Variants in CNTLN observed in about 807,000 individuals in gnomAD.
CNTLN encodes centlein, also known as centlein, centrosomal protein.
In CNTLN, 212 loss-of-function variants were observed where a neutral mutation model predicts 180.0. That is an observed-to-expected ratio of 1.18 (90% CI 1.05 to 1.32). The LOEUF (loss-of-function observed/expected upper bound fraction) is 1.32, where lower values mean the gene tolerates loss of function less well. Ranked by LOEUF, CNTLN falls within the 40% of genes most tolerant of loss-of-function variation. CNTLN has a pLI of 0.00. For missense variants in CNTLN, 2,095 were observed against 1,610.9 expected, an observed-to-expected ratio of 1.30 and a Z score of -5.14; for synonymous variants, 722 against 563.1, an observed-to-expected ratio of 1.28 and a Z score of -3.99.
intron 2 of CNTLN, chr9:17,168,046 A>G (rs1820197409): frequency 6.6e-6 from 1 of 152,204 alleles, no homozygotes. Flanking sequence ...CACTTCTGGT[A>G]TGATGAGAGA....
chr9:17,386,017 A>T (rs746672640), intron 13 of CNTLN, among the ~76,000 whole-genome samples: 7 of 152,192 alleles, frequency 4.6e-5, no homozygotes, highest in Admixed American at 2.0e-4. Context: ...GAAATTGCCC[A>T]TACAATAAGT....
intron 12 of CNTLN, among the ~76,000 whole-genome samples, chr9:17,345,127 T>TGG (rs1821779341): frequency 6.6e-6 from 1 of 152,182 alleles, no homozygotes; most frequent in Non-Finnish European, 1.5e-5. Context: ...GAAGAACATT[T>TGG]GGGTTTTTTC....
chr9:17,363,088 G>T (rs1048721866), intron 12 of CNTLN, among the ~76,000 whole-genome samples: 2 of 152,196 alleles, frequency 1.3e-5, no homozygotes, highest in Admixed American at 1.3e-4. Context: ...TGGCTGCATA[G>T]TATTCCATGG....
At chr9:17,527,658 C>G in the CNTLN span, among the ~76,000 whole-genome samples, 2 of 152,084 alleles carry the variant, frequency 1.3e-5, no homozygotes, top group Admixed American at 6.5e-5. Context: ...TCAGCTGAGA[C>G]AGCCTGGAGG....
At chr9:17,254,614 T>C (rs1188143958) in intron 5 of CNTLN, among the ~76,000 whole-genome samples, 2 of 151,624 alleles carry the variant, frequency 1.3e-5, no homozygotes, top group African/African-American at 2.4e-5. Flanking sequence ...TGAGCACATA[T>C]AGAAATGATT....
intron 9 of CNTLN, among the ~76,000 whole-genome samples, chr9:17,331,796 A>T (rs1472114892): frequency 6.6e-6 from 1 of 152,024 alleles, no homozygotes; most frequent in Non-Finnish European, 1.5e-5. Flanking sequence ...CAAGCACTGA[A>T]CTTTATTTAA....
At chr9:17,327,017 T>C (rs531259654) in intron 8 of CNTLN, among the ~76,000 whole-genome samples, 1 of 152,264 alleles carries the variant, frequency 6.6e-6, no homozygotes, top group South Asian at 2.1e-4. Flanking sequence ...GAATATTGGT[T>C]CAGTAATTGT....
chr9:17,211,721 T>C (rs920733299), intron 2 of CNTLN, among the ~76,000 whole-genome samples: 2 of 146,198 alleles, frequency 1.4e-5, no homozygotes, highest in African/African-American at 4.9e-5. Context: ...TATGTCCTCT[T>C]TTATTTTTTT....
chr9:17,303,740 A>T (rs1000508760), intron 7 of CNTLN, among the ~76,000 whole-genome samples: 1 of 152,026 alleles, frequency 6.6e-6, no homozygotes, highest in African/African-American at 2.4e-5. Context: ...ATATTTTTAG[A>T]TTGTTTTCTA....
At chr9:17,161,347 T>G (rs1489537124) in intron 2 of CNTLN, among the ~76,000 whole-genome samples, 1 of 152,168 alleles carries the variant, frequency 6.6e-6, no homozygotes, top group Non-Finnish European at 1.5e-5. Context: ...GCTCTACAAA[T>G]CTAATTTCCT....
chr9:17,346,891 C>G (rs190852076), intron 12 of CNTLN, among the ~76,000 whole-genome samples: 1 of 152,136 alleles, frequency 6.6e-6, no homozygotes, highest in Non-Finnish European at 1.5e-5. Flanking sequence ...CACTGAGGGT[C>G]TCTTCAATTT....
intron 12 of CNTLN, among the ~76,000 whole-genome samples, chr9:17,345,036 T>C (rs1318197571): frequency 6.6e-6 from 1 of 152,198 alleles, no homozygotes; most frequent in Non-Finnish European, 1.5e-5. Context: ...TGAGATTCTT[T>C]TGGGTTGGTT....
chr9:17,284,158 A>G (rs1419263354), intron 6 of CNTLN, among the ~76,000 whole-genome samples: 1 of 152,112 alleles, frequency 6.6e-6, no homozygotes, highest in Non-Finnish European at 1.5e-5. Context: ...AGTAGCTGGG[A>G]TTACAGGCGC....
chr9:17,357,479 A>G (rs545581676), intron 12 of CNTLN, among the ~76,000 whole-genome samples: 1 of 150,794 alleles, frequency 6.6e-6, no homozygotes, highest in Non-Finnish European at 1.5e-5. Context: ...TATACATATG[A>G]TATTTATTTT....
downstream of CNTLN, among the ~76,000 whole-genome samples, chr9:17,504,537 G>C (rs1400239349): frequency 6.6e-6 from 1 of 152,144 alleles, no homozygotes; most frequent in Admixed American, 6.6e-5. Context: ...TACTTTATAT[G>C]TCAAAAGGAA....
At chr9:17,339,375 G>C (rs945073745) in intron 10 of CNTLN, among the ~76,000 whole-genome samples, 2 of 152,196 alleles carry the variant, frequency 1.3e-5, no homozygotes, top group African/African-American at 4.8e-5. Flanking sequence ...GGGAAAAGGA[G>C]ACTGAAAGAA....
intron 6 of CNTLN, among the ~76,000 whole-genome samples, chr9:17,291,261 G>A (rs369379623): frequency 2.0e-5 from 3 of 152,070 alleles, no homozygotes; most frequent in Non-Finnish European, 2.9e-5. Flanking sequence ...GCTATGTGTC[G>A]CCAAGAAGAA....
intron 8 of CNTLN, among the ~76,000 whole-genome samples, chr9:17,313,417 C>CT (rs139376119): frequency 0.22 from 33,687 of 150,752 alleles, 4,007 homozygotes; most frequent in South Asian, 0.36. Flanking sequence ...AATTAACTGG[C>CT]TTTTTTTTTA....
rs1271276614 is a variant in CNTLN, at chr9:17,278,198, A to G, written c.983+4332A>G. On this transcript the variant is annotated intron_variant, in intron 6 of 25. Transcript: ENST00000380647. ...ATTCAGTCACAGCCAGAGAACAAGG[A>G]GCAGTATAACTAGTCTGTAGAGAGG... 2.6e-5 allele frequency among the ~76,000 whole-genome samples: 4 copies of G among 152,140 alleles called. 1 individual carries two copies.
Sources: gnomAD v4.1 joint callset for allele counts (sites outside exome capture counted in the v4.1 genomes callset) on GRCh38, gnomAD v4.1.1 for gene constraint, MANE v1.5 for transcripts, NCBI Gene and HGNC (gene_info 2026-07-23, HGNC 2026-07-21) for gene names.